Variants in HSP90B1 observed in about 807,000 individuals in gnomAD.
The protein encoded by HSP90B1 is endoplasmin.
In HSP90B1, 27 loss-of-function variants were observed where a neutral mutation model predicts 100.4. The ratio of observed to expected loss-of-function variants is 0.27; its 90% confidence interval spans 0.20 to 0.37. The LOEUF is 0.37. HSP90B1 is among the 10% of genes least tolerant of loss of function. HSP90B1 has a pLI of 1.00. For missense variants in HSP90B1, 678 were observed against 960.5 expected (o/e 0.71, Z 3.89); for synonymous variants, 304 against 330.8 (o/e 0.92, Z 0.88).
chr12:103,935,955 T>C (rs1869902475), intron 5 of HSP90B1, among the ~76,000 whole-genome samples: 1 of 152,256 alleles, frequency 6.6e-6, no homozygotes. Context: ...GACAGTTCCA[T>C]GCAGGGAACG....
At chr12:103,935,849 T>C (rs1869900459) in intron 5 of HSP90B1, among the ~76,000 whole-genome samples, 1 of 152,248 alleles carries the variant, frequency 6.6e-6, no homozygotes, top group African/African-American at 2.4e-5. Context: ...TATCTGGATA[T>C]AAGCTCCATG....
intron 8 of HSP90B1, 70 bp from the exon 9 acceptor site, chr12:103,941,340 T>C (rs1034172028): frequency 1.3e-6 from 2 of 1,499,706 alleles, no homozygotes; most frequent in African/African-American, 2.8e-5. Context: ...TACCACATAG[T>C]ACATTGCTTA....
chr12:103,947,820 T>C lies in HSP90B1; in HGVS notation c.*158T>C. On this transcript the variant is annotated 3_prime_UTR_variant, in exon 18 of 18. Coordinates refer to ENST00000299767, the MANE Select transcript of HSP90B1 (RefSeq NM_003299.3). ...TCACAGGAAAAAGTGGGTTTTTTAGTTGAATTTTTTTTAACATTCCTCATG... is the reference window on the plus strand; with the variant it reads ...TCACAGGAAAAAGTGGGTTTTTTAGCTGAATTTTTTTTAACATTCCTCATG... 1.2e-5 allele frequency: 8 copies of C among 687,750 alleles called. No homozygotes were observed. Among genetic ancestry groups the C allele is most frequent in the East Asian group, 1.1e-4 (4 of 37,122 alleles). The allele number at this position is 687,750 out of a possible 1,614,324, so 42.6% of individuals were successfully genotyped here. A position where few individuals can be genotyped will look rare whatever the true frequency, so the allele number is the denominator to read the frequency against.
chr12:103,943,907 G>A lies in HSP90B1; in HGVS notation c.2027+33G>A, dbSNP rs184070640. 4.3e-5 allele frequency: 68 copies of A among 1,593,452 alleles called. 2 individuals carry two copies. In the East Asian group the frequency reaches 7.6e-4, roughly 18 times the overall value. On this transcript the variant is annotated intron_variant, in intron 14 of 17. Transcript: ENST00000299767. This position sits in a 1 kb window ranked among gnomAD's most constrained non-coding sequence, Gnocchi z 5.3. ...TCCTCGGGAAAGTCCCTGCCAGGGC[G>A]TTGCCCCTTACCCAATCTTTGTTTT...
intron 4 of HSP90B1, 107 bp downstream of exon 4, chr12:103,933,049 C>A (rs1395809666): frequency 3.1e-6 from 2 of 647,326 alleles, no homozygotes; most frequent in Non-Finnish European, 5.5e-6. Context: ...GGCAAAAAAA[C>A]CCCAAGTCTC....
At chr12:103,945,291 A>G (rs1870194371) in intron 14 of HSP90B1, among the ~76,000 whole-genome samples, 1 of 152,152 alleles carries the variant, frequency 6.6e-6, no homozygotes, top group Non-Finnish European at 1.5e-5. Context: ...TGGGTAACAT[A>G]GCCAGACTCC....
rs1164522126 is a variant in HSP90B1, at chr12:103,947,439, A to C, written c.2382+9A>C. On this transcript the variant is annotated intron_variant, in intron 17 of 17. Transcript: ENST00000299767. Reference sequence around the variant, plus strand: ...AAGAAGAAACAGCAAAGGTATGGCAAATCAAGAATGTGACTTGCATTTTCA... The same window carrying C: ...AAGAAGAAACAGCAAAGGTATGGCACATCAAGAATGTGACTTGCATTTTCA... The C allele has an allele frequency of 1.2e-6, 2 of 1,614,166 alleles. No homozygotes were observed. The highest frequency in any genetic ancestry group is 4.5e-5 in the East Asian group (2 of 44,876).
intron 5 of HSP90B1, 86 bp from the exon 6 acceptor site, chr12:103,937,609 G>T: frequency 2.8e-6 from 2 of 711,948 alleles, no homozygotes; most frequent in South Asian, 1.5e-5. Flanking sequence ...ATACTGAACT[G>T]CTGGCTATTA....
At position 103,943,111 on chromosome 12, in the gene HSP90B1, A is replaced by C. The variant is rs754983817; in HGVS notation, c.1682A>C (p.Lys561Thr). Reference sequence around the variant, plus strand: ...CCATTTGTTGAGCGACTTCTGAAAAAGGGCTATGAAGTTATTTACCTCACA... The same window carrying C: ...CCATTTGTTGAGCGACTTCTGAAAACGGGCTATGAAGTTATTTACCTCACA... ...SSPFVERLLK[K>T]GYEVIYLTEP... Residue 561 changes from lysine (K) to threonine (T), a missense_variant, in exon 13 of 18, where the codon AAG becomes ACG. By Grantham distance (78) the Lys-to-Thr change is moderately conservative (BLOSUM62 -1). Around this residue, in one of 8 missense-constraint regions of HSP90B1, gnomAD observed 170 missense variants for 236.7 expected, o/e 0.72. Transcript: ENST00000299767. The surrounding 1 kb of genome is among the most constrained non-coding windows in gnomAD (Gnocchi z 5.3). 5.0e-6 allele frequency: 8 copies of C among 1,613,598 alleles called. No individual in the cohort carries two copies. Among genetic ancestry groups the C allele is most frequent in the Non-Finnish European group, 6.8e-6 (8 of 1,179,808 alleles).
rs753012711 is a variant in HSP90B1 at position 103,943,906 on chromosome 12, C to T, written c.2027+32C>T. 30 of 1,594,772 alleles carry T rather than the reference C, an allele frequency of 1.9e-5. No homozygotes were observed. Among genetic ancestry groups the T allele is most frequent in the Middle Eastern group, 1.7e-4 (1 of 6,010 alleles). On this transcript the variant is annotated intron_variant, in intron 14 of 17. Coordinates refer to ENST00000299767, the MANE Select transcript of HSP90B1 (RefSeq NM_003299.3). The surrounding 1 kb of genome is among the most constrained non-coding windows in gnomAD (Gnocchi z 5.3). ...ATCCTCGGGAAAGTCCCTGCCAGGG[C>T]GTTGCCCCTTACCCAATCTTTGTTT...
At chr12:103,933,149 T>A (rs1281777261) in intron 4 of HSP90B1, among the ~76,000 whole-genome samples, 1 of 149,658 alleles carries the variant, frequency 6.7e-6, no homozygotes, top group African/African-American at 2.4e-5. Flanking sequence ...GCCCATTTGT[T>A]TATTATCTGT....
At chr12:103,946,522 C>A in intron 14 of HSP90B1, 96 bp from the exon 15 acceptor site, 2 of 837,384 alleles carry the variant, frequency 2.4e-6, no homozygotes, top group Non-Finnish European at 3.8e-6. Context: ...TTTTTTTTAC[C>A]AAGAGTTGTT....
rs962400260 is a variant in HSP90B1 at position 103,946,696 on chromosome 12, G to A, written c.2106G>A (p.Lys702=). Residue 702 remains lysine, a splice_region_variant and synonymous_variant, in exon 15 of 18, where the codon AAG becomes AAA. Coordinates refer to ENST00000299767, the MANE Select transcript of HSP90B1 (RefSeq NM_003299.3). Reference sequence around the variant, plus strand: ...TCAGAGACATGCTTCGACGAATTAAGGTAGTATTAAAGCAGTCCTCTTGCT... The same window carrying A: ...TCAGAGACATGCTTCGACGAATTAAAGTAGTATTAAAGCAGTCCTCTTGCT... ...PLIRDMLRRI[K]EDEDDKTVLD... 2 of 1,613,828 alleles carry A rather than the reference G, an allele frequency of 1.2e-6. No individual in the cohort carries two copies. The highest frequency in any genetic ancestry group is 1.7e-6 in the Non-Finnish European group (2 of 1,179,738).
Position 103,938,420 on chromosome 12 carries a change from A to G in HSP90B1, c.936A>G (p.Val312=). The G allele has an allele frequency of 6.3e-7, 1 of 1,599,908 alleles. No individual in the cohort carries two copies. The change falls in exon 7 of 18, where the codon GTA becomes GTG. Residue 312 remains valine, a synonymous_variant. Coordinates refer to ENST00000299767, the MANE Select transcript of HSP90B1 (RefSeq NM_003299.3). ...EKEESDDEAA[V]EEEEEEKKPK... ...AAGAATCTGATGATGAAGCTGCAGT[A>G]GAGGAAGAAGAAGAAGAAAAGAAAC...
chr12:103,937,067 C>A (rs183417695), intron 5 of HSP90B1, among the ~76,000 whole-genome samples: 1 of 152,100 alleles, frequency 6.6e-6, no homozygotes, highest in Non-Finnish European at 1.5e-5. Context: ...CCGCACTGCC[C>A]GGTAGAATTT....
At position 103,943,057 on chromosome 12, in the gene HSP90B1, AC is replaced by A. The variant is rs1279702748; in HGVS notation, c.1645-16del. 15 of 1,611,890 alleles carry A rather than the reference AC, an allele frequency of 9.3e-6. No homozygotes were observed. The highest frequency in any genetic ancestry group is 1.3e-5 in the Non-Finnish European group (15 of 1,178,912). The stretch of plus-strand genomic sequence containing the variant: ...AGGGCCAGACTTGGAAAACTTTGTG[AC>A]TTCTTAATTTTGTAGGCTGAATCTT... On this transcript the variant is annotated splice_polypyrimidine_tract_variant and intron_variant, in intron 12 of 17. Coordinates refer to ENST00000299767, the MANE Select transcript of HSP90B1 (RefSeq NM_003299.3). This position sits in a 1 kb window ranked among gnomAD's most constrained non-coding sequence, Gnocchi z 5.3.
intron 12 of HSP90B1, 104 bp downstream of exon 12, chr12:103,942,900 G>A (rs1362891226): frequency 7.6e-6 from 11 of 1,442,536 alleles, no homozygotes; most frequent in Non-Finnish European, 9.5e-6. Flanking sequence ...TGTAACTGGA[G>A]TAGTTATAAG....
intron 5 of HSP90B1, among the ~76,000 whole-genome samples, chr12:103,935,465 ATTCAGTT>A (rs142957286): frequency 0.11 from 17,047 of 152,012 alleles, 1,022 homozygotes; most frequent in Middle Eastern, 0.21. Flanking sequence ...TTTTTTCTTA[ATTCAGTT>A]TTAAGTTTTC....
At chr12:103,939,419 G>C in intron 7 of HSP90B1, 90 bp from the exon 8 acceptor site, 1 of 610,784 alleles carries the variant, frequency 1.6e-6, no homozygotes, top group South Asian at 2.3e-5. Flanking sequence ...TCTTTACATA[G>C]TCTTTTGAAA....
Sources: gnomAD v4.1 joint callset for allele counts (sites outside exome capture counted in the v4.1 genomes callset) on GRCh38, gnomAD v4.1.1 for gene constraint, gnomAD v4.1.1 regional missense constraint, Gnocchi (gnomAD v3.1) non-coding constraint, MANE v1.5 for transcripts, NCBI Gene and HGNC (gene_info 2026-07-23, HGNC 2026-07-21) for gene names.